The following FRMD4B variants were observed in gnomAD, a reference collection of about 807,000 sequenced individuals.
The protein encoded by FRMD4B is FERM domain-containing protein 4B.
In FRMD4B, 74 loss-of-function variants were observed where a neutral mutation model predicts 141.5. The observed-to-expected ratio is 0.52, with a 90% confidence interval of 0.43 to 0.63. The LOEUF (loss-of-function observed/expected upper bound fraction) is 0.63, where lower values mean the gene tolerates loss of function less well. Among genes scored for constraint, FRMD4B ranks in the 30% least tolerant of loss-of-function variants. The pLI is 0.00. For missense variants in FRMD4B, 1,366 were observed against 1,253.4 expected, an observed-to-expected ratio of 1.09 and a Z score of -1.36; for synonymous variants, 506 against 467.9, an observed-to-expected ratio of 1.08 and a Z score of -1.05.
At chr3:69,252,028 C>T (rs151129247) in intron 5 of FRMD4B, among the ~76,000 whole-genome samples, 1 of 152,242 alleles carries the variant, frequency 6.6e-6, no homozygotes, top group African/African-American at 2.4e-5. Flanking sequence ...ATGTTAAAAA[C>T]GCTAAAGATG....
chr3:69,269,352 C>T (rs4855370), intron 5 of FRMD4B, among the ~76,000 whole-genome samples: 143,683 of 151,870 alleles, frequency 0.95, 68,646 homozygotes, highest in East Asian at 1. Context: ...ATATATTAAT[C>T]CATGGGTCCT....
intron 1 of FRMD4B, among the ~76,000 whole-genome samples, chr3:69,524,241 C>G (rs995868852): frequency 1.1e-4 from 17 of 152,114 alleles, no homozygotes; most frequent in Non-Finnish European, 2.4e-4. Flanking sequence ...TGACCATGTG[C>G]CAATCACTGT....
At position 69,332,701 on chromosome 3, in the gene FRMD4B, C is replaced by T. The variant is rs138806376; in HGVS notation, c.163-19184G>A. 1.8e-3 allele frequency among the ~76,000 whole-genome samples: 274 copies of T among 151,618 alleles called. 2 individuals carry two copies. Among genetic ancestry groups the T allele is most frequent in the African/African-American group, 6.2e-3 (255 of 41,274 alleles). Reference sequence around the variant, plus strand: ...AAATGATCTTCCTACTTCAGCTTCCCGAGTAGCTAGGACTACAGGTGTGCA... The same window carrying T: ...AAATGATCTTCCTACTTCAGCTTCCTGAGTAGCTAGGACTACAGGTGTGCA... On this transcript the variant is annotated intron_variant, in intron 1 of 22. Coordinates refer to ENST00000398540, the MANE Select transcript of FRMD4B (RefSeq NM_015123.3).
At chr3:69,322,908 T>A in intron 1 of FRMD4B, 1 of 260,948 alleles carries the variant, frequency 3.8e-6, no homozygotes, top group Non-Finnish European at 6.0e-6. Context: ...ATTTCATAGA[T>A]GACCAAACTG....
chr3:69,197,320 T>C (rs2092918370), intron 12 of FRMD4B, among the ~76,000 whole-genome samples: 4 of 152,102 alleles, frequency 2.6e-5, no homozygotes, highest in Admixed American at 1.3e-4. Flanking sequence ...TACAAAAACA[T>C]TTAGTTAGAA....
At chr3:69,271,106 C>T (rs572519613) in intron 5 of FRMD4B, among the ~76,000 whole-genome samples, 2 of 152,154 alleles carry the variant, frequency 1.3e-5, no homozygotes, top group South Asian at 4.1e-4. Context: ...TCTTGTAGCC[C>T]ATTTCTGAGA....
chr3:69,315,701 C>T (rs767944088), intron 1 of FRMD4B, among the ~76,000 whole-genome samples: 17 of 152,178 alleles, frequency 1.1e-4, no homozygotes, highest in Middle Eastern at 3.2e-3. Context: ...TGTGTGGATA[C>T]ACGATAATTG....
intron 4 of FRMD4B, chr3:69,293,030 C>T (rs773661841): frequency 2.2e-6 from 1 of 454,202 alleles, no homozygotes; most frequent in South Asian, 1.6e-5. Flanking sequence ...GGTTTTGTCA[C>T]TGTTATTTGG....
chr3:69,349,701 C>G (rs1672529605), intron 1 of FRMD4B, among the ~76,000 whole-genome samples: 1 of 152,084 alleles, frequency 6.6e-6, no homozygotes. Flanking sequence ...TTTGACAAAC[C>G]TGAGAAAAAC....
chr3:69,259,193 G>A (rs1240365058), intron 5 of FRMD4B, among the ~76,000 whole-genome samples: 1 of 152,150 alleles, frequency 6.6e-6, no homozygotes, highest in Non-Finnish European at 1.5e-5. Flanking sequence ...AAAGGAGTAG[G>A]CAACCTAGAT....
intron 1 of FRMD4B, among the ~76,000 whole-genome samples, chr3:69,444,795 A>T (rs1265670263): frequency 2.6e-5 from 4 of 152,204 alleles, no homozygotes; most frequent in African/African-American, 9.7e-5. Flanking sequence ...CTCTACACAC[A>T]CTTATCCACC....
At chr3:69,187,548 A>ATATAT (rs1353697366) in intron 19 of FRMD4B, among the ~76,000 whole-genome samples, 3 of 142,244 alleles carry the variant, frequency 2.1e-5, no homozygotes, top group Non-Finnish European at 4.6e-5. Context: ...CTCAAAAAAA[A>ATATAT]AAAAATATAT....
rs556395273 is a variant in FRMD4B, at chr3:69,195,046, A to G, written c.1464T>C (p.Asp488=). 2.5e-6 allele frequency: 4 copies of G among 1,613,856 alleles called. No individual in the cohort carries two copies. Among genetic ancestry groups the G allele is most frequent in the East Asian group, 2.2e-5 (1 of 44,882 alleles). Residue 488 remains aspartate (D), a synonymous_variant, in exon 16 of 23, where the codon GAT becomes GAC. Transcript: ENST00000398540. Reference sequence around the variant, plus strand: ...CTTCTTCACTCGGCAGCAAGTTGTCATCTAATTTGAACGCAGTACCCACAC... The same window carrying G: ...CTTCTTCACTCGGCAGCAAGTTGTCGTCTAATTTGAACGCAGTACCCACAC... ...RRRVGTAFKL[D]DNLLPSEEDP...
rs116834530 is a variant in FRMD4B, at chr3:69,457,129, T to G, written c.-128-24368A>C. 4.8e-3 allele frequency among the ~76,000 whole-genome samples: 730 copies of G among 152,204 alleles called. 9 individuals carry two copies. Among genetic ancestry groups the G allele is most frequent in the African/African-American group, 0.016 (674 of 41,530 alleles). On this transcript the variant is annotated intron_variant, in intron 1 of 5. Transcript: ENST00000459638. The stretch of plus-strand genomic sequence containing the variant: ...AAGTTATTTTTGCAAAAGAAAGACA[T>G]GAATGAAGGAACAAAGAAAAAAGAA...
At chr3:69,437,065 T>C (rs533393487) in intron 1 of FRMD4B, among the ~76,000 whole-genome samples, 2 of 152,140 alleles carry the variant, frequency 1.3e-5, no homozygotes, top group South Asian at 2.1e-4. Context: ...ATCGTGGTAG[T>C]GGTTGTTCAA....
At chr3:69,340,718 G>A (rs952015035) in intron 1 of FRMD4B, among the ~76,000 whole-genome samples, 6 of 152,146 alleles carry the variant, frequency 3.9e-5, no homozygotes, top group South Asian at 2.1e-4. Flanking sequence ...AGAGTGTTTC[G>A]AATAGCTTTG....
intron 7 of FRMD4B, among the ~76,000 whole-genome samples, chr3:69,241,691 C>T (rs930252581): frequency 3.9e-5 from 6 of 151,926 alleles, no homozygotes; most frequent in Non-Finnish European, 7.4e-5. Context: ...GAGATTCAGG[C>T]GCTTGAGACC....
At chr3:69,481,182 C>T (rs548127016) in intron 1 of FRMD4B, among the ~76,000 whole-genome samples, 2 of 152,198 alleles carry the variant, frequency 1.3e-5, no homozygotes, top group Admixed American at 6.5e-5. Context: ...TAATGCCTCG[C>T]CCTGCTTCAG....
intron 1 of FRMD4B, among the ~76,000 whole-genome samples, chr3:69,338,266 A>C (rs1475568993): frequency 2.0e-5 from 3 of 152,138 alleles, no homozygotes; most frequent in East Asian, 3.9e-4. Context: ...ATGACAACTC[A>C]TGGATGCAGA....
Sources: allele counts gnomAD v4.1 joint callset (sites outside exome capture counted in the v4.1 genomes callset), GRCh38; gene constraint gnomAD v4.1.1; transcripts MANE v1.5; gene names NCBI Gene and HGNC (gene_info 2026-07-23, HGNC 2026-07-21).